The following HCN1 variants were observed in gnomAD, a reference collection of about 807,000 sequenced individuals.
HCN1 encodes potassium/sodium hyperpolarization-activated cyclic nucleotide-gated channel 1.
HCN1 carries 13 observed loss-of-function variants against 78.9 expected under a neutral mutation model. That is an observed-to-expected ratio of 0.16 (90% CI 0.11 to 0.26). HCN1 has a LOEUF of 0.26. Ranked by LOEUF, HCN1 falls within the 10% of genes least tolerant of loss-of-function variation. The pLI is 1.00. For missense variants in HCN1, 810 were observed against 1,154.3 expected, an observed-to-expected ratio of 0.70 and a Z score of 4.32; for synonymous variants, 552 against 455.5, an observed-to-expected ratio of 1.21 and a Z score of -2.70.
At chr5:45,334,421 C>CTT (rs776292000) in intron 5 of HCN1, among the ~76,000 whole-genome samples, 12 of 149,658 alleles carry the variant, frequency 8.0e-5, no homozygotes, top group African/African-American at 2.7e-4. Flanking sequence ...GGTGAACACA[C>CTT]TTTTTTTTTT....
chr5:45,431,379 A>G (rs575975101), intron 3 of HCN1, among the ~76,000 whole-genome samples: 36 of 152,206 alleles, frequency 2.4e-4, no homozygotes, highest in Non-Finnish European at 2.6e-4. Flanking sequence ...CACATTCTCT[A>G]TGCTGTCTGT....
At chr5:45,357,257 T>C (rs1387989388) in intron 4 of HCN1, among the ~76,000 whole-genome samples, 2 of 152,092 alleles carry the variant, frequency 1.3e-5, no homozygotes, top group Non-Finnish European at 2.9e-5. Context: ...AAATTGTCTT[T>C]ATTAAACTCT....
At chr5:45,659,031 C>A (rs1745856987) in intron 1 of HCN1, among the ~76,000 whole-genome samples, 2 of 151,754 alleles carry the variant, frequency 1.3e-5, no homozygotes, top group South Asian at 2.1e-4. Context: ...ACAGCAGTAA[C>A]CTCTGCAGAC....
intron 2 of HCN1, among the ~76,000 whole-genome samples, chr5:45,519,671 G>A (rs1382741262): frequency 6.6e-6 from 1 of 151,864 alleles, no homozygotes; most frequent in Admixed American, 6.6e-5. Context: ...ATTCCAAATA[G>A]CATGAGATTT....
At chr5:45,317,844 G>T (rs893520905) in intron 5 of HCN1, among the ~76,000 whole-genome samples, 4 of 152,154 alleles carry the variant, frequency 2.6e-5, no homozygotes, top group African/African-American at 9.7e-5. Flanking sequence ...TCAGAGAAAT[G>T]CAAATCAAAA....
intron 2 of HCN1, among the ~76,000 whole-genome samples, chr5:45,501,065 T>C (rs1742177072): frequency 6.6e-6 from 1 of 152,090 alleles, no homozygotes; most frequent in Admixed American, 6.6e-5. Context: ...CTAGTAACAT[T>C]ATACAAGGTT....
intron 3 of HCN1, among the ~76,000 whole-genome samples, chr5:45,429,229 T>C (rs1411070407): frequency 6.6e-6 from 1 of 152,172 alleles, no homozygotes; most frequent in East Asian, 1.9e-4. Flanking sequence ...TTATACATTA[T>C]TGTAAAAGAA....
chr5:45,643,707 A>C (rs1327490047), intron 2 of HCN1: 3 of 152,162 alleles, frequency 2.0e-5, no homozygotes, highest in Admixed American at 2.0e-4. Context: ...AATGACAATA[A>C]TTATATTTAC....
At chr5:45,426,672 TCTCAGGTATGTGTTTATTAG>T (rs1302088542) in intron 3 of HCN1, among the ~76,000 whole-genome samples, 1 of 152,176 alleles carries the variant, frequency 6.6e-6, no homozygotes, top group Admixed American at 6.5e-5. Flanking sequence ...AATTACCCAG[TCTCAGGTATGTGTTTATTAG>T]CAGCATGAGA....
chr5:45,335,841 A>G (rs919502685), intron 5 of HCN1, among the ~76,000 whole-genome samples: 1 of 152,102 alleles, frequency 6.6e-6, no homozygotes, highest in South Asian at 2.1e-4. Context: ...TGAAGTACAC[A>G]TAAGTTAAGA....
intron 3 of HCN1, among the ~76,000 whole-genome samples, chr5:45,422,620 A>T (rs1484106911): frequency 6.6e-6 from 1 of 152,216 alleles, no homozygotes; most frequent in East Asian, 1.9e-4. Flanking sequence ...AATTATAACC[A>T]TAAATTTGTG....
intron 2 of HCN1, among the ~76,000 whole-genome samples, chr5:45,510,894 A>T (rs1356466439): frequency 6.6e-6 from 1 of 151,788 alleles, no homozygotes; most frequent in East Asian, 1.9e-4. Context: ...GTTGGTGTCC[A>T]TATCCAGTTA....
chr5:45,449,114 C>T (rs998596956), intron 3 of HCN1, among the ~76,000 whole-genome samples: 3 of 152,048 alleles, frequency 2.0e-5, no homozygotes, highest in East Asian at 1.9e-4. Flanking sequence ...GAAATAAAAT[C>T]GTTTTATTTA....
At chr5:45,318,161 A>T (rs921828121) in intron 5 of HCN1, among the ~76,000 whole-genome samples, 1 of 152,212 alleles carries the variant, frequency 6.6e-6, no homozygotes, top group African/African-American at 2.4e-5. Context: ...ACTTGGAAAC[A>T]ACCCAAACGT....
intron 2 of HCN1, among the ~76,000 whole-genome samples, chr5:45,544,834 T>C (rs1743178232): frequency 6.6e-6 from 1 of 152,218 alleles, no homozygotes; most frequent in South Asian, 2.1e-4. Context: ...CACATTTTCT[T>C]AATCCAGTCT....
chr5:45,301,459 C>T (rs1348692511), intron 6 of HCN1, among the ~76,000 whole-genome samples: 3 of 151,138 alleles, frequency 2.0e-5, no homozygotes, highest in East Asian at 1.9e-4. Context: ...TGGCTCATTC[C>T]AGAAATTCCA....
chr5:45,390,885 A>G (rs1389688283), intron 4 of HCN1, among the ~76,000 whole-genome samples: 1 of 152,134 alleles, frequency 6.6e-6, no homozygotes, highest in Non-Finnish European at 1.5e-5. Context: ...CAGGAGCCTG[A>G]TTTGCTAGCA....
chr5:45,588,305 C>T (rs1744281960), intron 2 of HCN1, among the ~76,000 whole-genome samples: 1 of 152,186 alleles, frequency 6.6e-6, no homozygotes, highest in Non-Finnish European at 1.5e-5. Flanking sequence ...TAGGTAGAAT[C>T]ACAGTGAGTA....
intron 2 of HCN1, among the ~76,000 whole-genome samples, chr5:45,505,348 T>C (rs947022327): frequency 6.6e-6 from 1 of 152,230 alleles, no homozygotes; most frequent in East Asian, 1.9e-4. Context: ...GCACCATTTA[T>C]TAAATAGGGA....
Sources: gnomAD v4.1 joint callset for allele counts (sites outside exome capture counted in the v4.1 genomes callset) on GRCh38, gnomAD v4.1.1 for gene constraint, MANE v1.5 for transcripts, NCBI Gene and HGNC (gene_info 2026-07-23, HGNC 2026-07-21) for gene names.